The following LRRC49 variants were observed in gnomAD, a reference collection of about 807,000 sequenced individuals.
LRRC49 encodes leucine-rich repeat-containing protein 49.
In LRRC49, 50 loss-of-function variants were observed where a neutral mutation model predicts 83.3. The ratio of observed to expected loss-of-function variants is 0.60; its 90% CI spans 0.48 to 0.76. LRRC49 has a LOEUF of 0.76. LRRC49 is among the 30% of genes least tolerant of loss of function. LRRC49 has a pLI of 0.00. For synonymous variants in LRRC49, 286 were observed against 283.3 expected (o/e 1.01, Z -0.10); for missense variants, 704 against 809.1 (o/e 0.87, Z 1.58).
chr15:70,993,447 CAGA>C (rs1333103077), intron 11 of LRRC49, among the ~76,000 whole-genome samples: 3 of 152,176 alleles, frequency 2.0e-5, no homozygotes, highest in African/African-American at 7.2e-5. Flanking sequence ...GTTGGAAATG[CAGA>C]AATCACCTGT....
chr15:70,940,767 A>G (rs764524003), intron 8 of LRRC49, among the ~76,000 whole-genome samples: 2 of 152,192 alleles, frequency 1.3e-5, no homozygotes, highest in Non-Finnish European at 2.9e-5. Context: ...ACTGAGTTAA[A>G]CAGAGGAAAT....
chr15:70,989,155 C>T (rs2037758096), intron 11 of LRRC49, among the ~76,000 whole-genome samples: 1 of 152,222 alleles, frequency 6.6e-6, no homozygotes, highest in South Asian at 2.1e-4. Context: ...GTGGCATTCT[C>T]TGTATTTCCT....
chr15:70,899,475 T>A (rs1395402989), intron 3 of LRRC49, among the ~76,000 whole-genome samples: 4 of 152,270 alleles, frequency 2.6e-5, no homozygotes, highest in Admixed American at 2.6e-4. Flanking sequence ...TAGCATGTGG[T>A]CATGCCAGAA....
intron 1 of LRRC49, among the ~76,000 whole-genome samples, chr15:70,864,135 C>T (rs2032860454): frequency 6.6e-6 from 1 of 152,044 alleles, no homozygotes; most frequent in Admixed American, 6.6e-5. Flanking sequence ...CATGAGACAC[C>T]CCCGGGGAAT....
At chr15:71,012,618 A>T (rs2038688794) in intron 13 of LRRC49, among the ~76,000 whole-genome samples, 186 bp from the exon 14 acceptor site, 1 of 152,126 alleles carries the variant, frequency 6.6e-6, no homozygotes, top group African/African-American at 2.4e-5. Flanking sequence ...CCACAATTAT[A>T]CGTCTTCATT....
At chr15:70,961,774 C>T (rs1017795816) in intron 8 of LRRC49, among the ~76,000 whole-genome samples, 2 of 152,198 alleles carry the variant, frequency 1.3e-5, no homozygotes, top group Non-Finnish European at 2.9e-5. Flanking sequence ...GGCTAAAGTA[C>T]AGCAGATTTT....
At chr15:71,037,441 G>A (rs1201929730) in intron 15 of LRRC49, 109 bp downstream of exon 15, 2 of 923,132 alleles carry the variant, frequency 2.2e-6, no homozygotes, top group Non-Finnish European at 3.2e-6. Flanking sequence ...TTTTGTTCTG[G>A]AATATTTGTC....
intron 14 of LRRC49, among the ~76,000 whole-genome samples, chr15:71,016,181 T>G (rs2038821474): frequency 6.6e-6 from 1 of 152,212 alleles, no homozygotes; most frequent in Non-Finnish European, 1.5e-5. Context: ...TCTATGAACC[T>G]CTTGAATTAT....
chr15:70,926,773 G>T (rs186339697), intron 7 of LRRC49, among the ~76,000 whole-genome samples: 14 of 151,928 alleles, frequency 9.2e-5, no homozygotes, highest in Admixed American at 1.3e-4. Context: ...GCGGTGTTTG[G>T]TTTTTTGTCC....
intron 1 of LRRC49, among the ~76,000 whole-genome samples, chr15:70,856,227 G>A (rs117279993): frequency 0.016 from 2,432 of 152,118 alleles, 43 homozygotes; most frequent in Non-Finnish European, 0.025. Context: ...CTGTAGAAGC[G>A]TTTTACTTGG....
chr15:71,007,709 G>GTGTATATATATATATATA (rs964626080), intron 11 of LRRC49, among the ~76,000 whole-genome samples: 26 of 137,700 alleles, frequency 1.9e-4, no homozygotes, highest in African/African-American at 7.1e-4. Flanking sequence ...TGAGAAGCAT[G>GTGTATATATATATATATA]TATATATATA....
rs2039995141 is a variant in LRRC49 at position 71,051,595 on chromosome 15, G to A, written c.*1983G>A. The A allele has an allele frequency of 6.6e-6, 1 of 152,266 alleles. No homozygotes were observed. Among genetic ancestry groups the A allele is most frequent in the African/African-American group, 2.4e-5 (1 of 41,442 alleles). 9.4% of individuals were successfully genotyped at this position (152,266 alleles called of 1,614,324 possible). ...AGAACTTGTGACTCTTTGGGAGTCTGGGTAACTGTTCCCACTCTAGGCTTT... is the reference window on the plus strand; with the variant it reads ...AGAACTTGTGACTCTTTGGGAGTCTAGGTAACTGTTCCCACTCTAGGCTTT... On this transcript the variant is annotated 3_prime_UTR_variant, in exon 16 of 16. Coordinates refer to ENST00000260382, the MANE Select transcript of LRRC49 (RefSeq NM_017691.5).
intron 10 of LRRC49, among the ~76,000 whole-genome samples, chr15:70,981,197 G>A (rs968758717): frequency 3.3e-5 from 5 of 151,990 alleles, no homozygotes; most frequent in Non-Finnish European, 7.4e-5. Context: ...TCTACATATT[G>A]ATCATTAAGA....
chr15:71,032,118 G>GTGA (rs989149904), intron 14 of LRRC49, among the ~76,000 whole-genome samples: 10 of 152,326 alleles, frequency 6.6e-5, no homozygotes, highest in African/African-American at 2.2e-4. Flanking sequence ...CAGGACCCTG[G>GTGA]TGATGTAGGC....
At chr15:70,947,325 T>G (rs945076225) in intron 8 of LRRC49, among the ~76,000 whole-genome samples, 1 of 152,222 alleles carries the variant, frequency 6.6e-6, no homozygotes, top group African/African-American at 2.4e-5. Flanking sequence ...ATTCAAGTTT[T>G]TTTCCAAGTT....
At chr15:70,901,075 C>T (rs548448895) in intron 4 of LRRC49, 51 bp downstream of exon 4, 43 of 1,075,496 alleles carry the variant, frequency 4.0e-5, no homozygotes, top group East Asian at 3.8e-4. Flanking sequence ...AATACATAGA[C>T]GTGGTACAAG....
At chr15:70,952,719 A>G (rs1197132941) in intron 8 of LRRC49, among the ~76,000 whole-genome samples, 2 of 152,116 alleles carry the variant, frequency 1.3e-5, no homozygotes, top group East Asian at 1.9e-4. Flanking sequence ...GTCTAATGCT[A>G]TTAGTGGGGG....
intron 10 of LRRC49, among the ~76,000 whole-genome samples, chr15:70,980,795 A>G (rs536303170): frequency 1.8e-4 from 27 of 152,260 alleles, no homozygotes; most frequent in African/African-American, 6.5e-4. Flanking sequence ...AATATGCATC[A>G]TGCTGTGTTC....
chr15:70,858,353 G>A (rs1248597584), intron 1 of LRRC49, among the ~76,000 whole-genome samples: 1 of 152,190 alleles, frequency 6.6e-6, no homozygotes, highest in Admixed American at 6.5e-5. Flanking sequence ...TGTAATCCCA[G>A]CACTTTTGGA....
Sources: gnomAD v4.1 joint callset for allele counts (sites outside exome capture counted in the v4.1 genomes callset) on GRCh38, gnomAD v4.1.1 for gene constraint, MANE v1.5 for transcripts, NCBI Gene and HGNC (gene_info 2026-07-23, HGNC 2026-07-21) for gene names.